The following MBD5 variants were observed in gnomAD, a reference collection of about 807,000 sequenced individuals.
MBD5 encodes methyl-CpG binding domain protein 5, also known as methyl-CpG-binding domain protein 5.
MBD5 carries 13 observed loss-of-function variants against 117.3 expected under a neutral mutation model. The ratio of observed to expected loss-of-function variants is 0.11; its 90% CI spans 0.07 to 0.18. The LOEUF is 0.18. Among genes scored for constraint, MBD5 ranks in the 10% least tolerant of loss-of-function variants. The pLI is 1.00. For synonymous variants in MBD5, 727 were observed against 766.4 expected (o/e 0.95, Z 0.85); for missense variants, 1,879 against 2,093.8 (o/e 0.90, Z 2.00).
intron 1 of MBD5, among the ~76,000 whole-genome samples, chr2:148,165,198 G>A (rs1698097493): frequency 6.6e-6 from 1 of 152,000 alleles, no homozygotes; most frequent in Non-Finnish European, 1.5e-5. Flanking sequence ...GATTGTATTT[G>A]TTCCTCTTTT....
At chr2:148,381,232 C>G (rs1030548366) in intron 4 of MBD5, among the ~76,000 whole-genome samples, 1 of 152,052 alleles carries the variant, frequency 6.6e-6, no homozygotes, top group Non-Finnish European at 1.5e-5. Flanking sequence ...AAAAATTAGA[C>G]GAATGGATAA....
chr2:148,126,120 C>T (rs566193831), intron 1 of MBD5, among the ~76,000 whole-genome samples: 6 of 152,120 alleles, frequency 3.9e-5, no homozygotes, highest in East Asian at 3.9e-4. Context: ...GCAGGCTGGG[C>T]GCAGTGGCTC....
intron 1 of MBD5, among the ~76,000 whole-genome samples, chr2:148,095,667 T>C (rs1243437740): frequency 6.6e-6 from 1 of 152,028 alleles, no homozygotes; most frequent in Non-Finnish European, 1.5e-5. Context: ...AGATTACTTA[T>C]GAGCAATACA....
intron 1 of MBD5, among the ~76,000 whole-genome samples, chr2:148,135,047 TTC>T (rs1318225821): frequency 6.6e-6 from 1 of 152,254 alleles, no homozygotes; most frequent in Non-Finnish European, 1.5e-5. Flanking sequence ...GCCAGTTCTT[TTC>T]TCTCTGTCCT....
chr2:148,039,548 A>G (rs1252744209), intron 1 of MBD5, among the ~76,000 whole-genome samples: 1 of 152,180 alleles, frequency 6.6e-6, no homozygotes, highest in Non-Finnish European at 1.5e-5. Context: ...TTGCTTGAAT[A>G]GTAAGCAGAA....
At chr2:148,351,119 T>G (rs1183312732) in intron 4 of MBD5, among the ~76,000 whole-genome samples, 1 of 152,048 alleles carries the variant, frequency 6.6e-6, no homozygotes, top group African/African-American at 2.4e-5. Flanking sequence ...AATTTTATAT[T>G]CTATTTAATC....
intron 4 of MBD5, among the ~76,000 whole-genome samples, chr2:148,433,060 C>T (rs1428275231): frequency 6.6e-6 from 1 of 151,844 alleles, no homozygotes; most frequent in East Asian, 1.9e-4. Context: ...TTTTGTAATT[C>T]TTGTTGTAGA....
chr2:148,282,773 T>A (rs1701278992), intron 3 of MBD5, among the ~76,000 whole-genome samples: 1 of 151,852 alleles, frequency 6.6e-6, no homozygotes, highest in African/African-American at 2.4e-5. Flanking sequence ...AAGTGAAATA[T>A]TATCAAGGTT....
At chr2:148,100,491 C>A (rs918480543) in intron 1 of MBD5, among the ~76,000 whole-genome samples, 4 of 152,012 alleles carry the variant, frequency 2.6e-5, no homozygotes, top group African/African-American at 9.7e-5. Flanking sequence ...GTCAGAAATT[C>A]AGACAGGGCA....
At chr2:148,444,831 GCTC>G (rs1452951023) in intron 4 of MBD5, among the ~76,000 whole-genome samples, 2 of 150,646 alleles carry the variant, frequency 1.3e-5, no homozygotes, top group African/African-American at 5.0e-5. Flanking sequence ...CAGACAGTAA[GCTC>G]CTTAAGGTGA....
At chr2:148,408,319 A>G (rs1290635823) in intron 4 of MBD5, among the ~76,000 whole-genome samples, 1 of 152,138 alleles carries the variant, frequency 6.6e-6, no homozygotes, top group Non-Finnish European at 1.5e-5. Flanking sequence ...TCCTAAGCCA[A>G]CTTCAGTGTT....
At chr2:148,197,783 T>G (rs571530171) in intron 2 of MBD5, among the ~76,000 whole-genome samples, 28 of 149,304 alleles carry the variant, frequency 1.9e-4, no homozygotes, top group African/African-American at 6.9e-4. Flanking sequence ...TACTGTGTCA[T>G]AGCATCTGAG....
At chr2:148,488,198 G>A (rs1047544496) in intron 10 of MBD5, among the ~76,000 whole-genome samples, 3 of 152,214 alleles carry the variant, frequency 2.0e-5, no homozygotes, top group African/African-American at 4.8e-5. Flanking sequence ...GGGGCAGGGA[G>A]TATCAGAGTA....
At chr2:148,088,410 A>AG (rs1201965173) in intron 1 of MBD5, among the ~76,000 whole-genome samples, 4 of 152,196 alleles carry the variant, frequency 2.6e-5, no homozygotes, top group Non-Finnish European at 5.9e-5. Flanking sequence ...CACGGTCATC[A>AG]GGTTATCCAA....
intron 4 of MBD5, among the ~76,000 whole-genome samples, chr2:148,447,199 GAAA>G (rs1706577554): frequency 9.7e-5 from 1 of 10,356 alleles, no homozygotes; most frequent in East Asian, 0.1. Context: ...AAGAAAGAAA[GAAA>G]GAAAGAAAGA....
At chr2:148,159,341 A>G (rs1697950185) in intron 1 of MBD5, among the ~76,000 whole-genome samples, 1 of 151,964 alleles carries the variant, frequency 6.6e-6, no homozygotes. Flanking sequence ...GTTTTGAGAC[A>G]AGGTTTCACT....
At chr2:148,432,394 G>T (rs549329084) in intron 4 of MBD5, among the ~76,000 whole-genome samples, 1 of 152,014 alleles carries the variant, frequency 6.6e-6, no homozygotes, top group Non-Finnish European at 1.5e-5. Flanking sequence ...GTCAATTTTG[G>T]TTTTTTGTTG....
At chr2:148,355,082 G>T (rs1483153216) in intron 4 of MBD5, among the ~76,000 whole-genome samples, 3 of 151,922 alleles carry the variant, frequency 2.0e-5, no homozygotes, top group African/African-American at 7.2e-5. Context: ...TTTGAGAAGT[G>T]TCTGTTCATA....
chr2:148,364,913 G>A (rs367896924), intron 4 of MBD5, among the ~76,000 whole-genome samples: 105 of 152,148 alleles, frequency 6.9e-4, no homozygotes, highest in African/African-American at 2.5e-3. Context: ...ACACCCAAAT[G>A]TCAATATTAG....
Sources: gnomAD v4.1 joint callset for allele counts (sites outside exome capture counted in the v4.1 genomes callset) on GRCh38, gnomAD v4.1.1 for gene constraint, MANE v1.5 for transcripts, NCBI Gene and HGNC (gene_info 2026-07-23, HGNC 2026-07-21) for gene names.